Variants in RFX2 observed in about 807,000 individuals in gnomAD.
RFX2 encodes the protein DNA-binding protein RFX2.
RFX2 carries 20 observed loss-of-function variants against 87.8 expected under a neutral mutation model. The observed-to-expected ratio is 0.23, with a 90% CI of 0.16 to 0.33. The LOEUF is 0.33. Among genes scored for constraint, RFX2 ranks in the 10% least tolerant of loss-of-function variants. The probability of loss-of-function intolerance (pLI) is 1.00; values close to 1 mark genes in which losing one functional copy is unlikely to be tolerated. For synonymous variants in RFX2, 397 were observed against 431.3 expected (o/e 0.92, Z 0.98); for missense variants, 767 against 1,012.3 (o/e 0.76, Z 3.29).
intron 1 of RFX2, among the ~76,000 whole-genome samples, chr19:6,051,172 A>G (rs2087261478): frequency 6.6e-6 from 1 of 152,236 alleles, no homozygotes; most frequent in Admixed American, 6.5e-5. Context: ...TTAATACCAG[A>G]TGGTAAATTT....
At chr19:6,003,639 T>A (rs1247613328) in intron 13 of RFX2, among the ~76,000 whole-genome samples, 1 of 151,360 alleles carries the variant, frequency 6.6e-6, no homozygotes, top group African/African-American at 2.4e-5. Flanking sequence ...ATTAGCCAGG[T>A]GTGGTGGCGG....
In RFX2 at chr19:6,047,749, C is replaced by T. The variant is rs1180531479; in HGVS notation, c.-8-245G>A. Among the ~76,000 whole-genome samples, 3 of 152,198 alleles carry T rather than the reference C, an allele frequency of 2.0e-5. No individual in the cohort carries two copies. Among genetic ancestry groups the T allele is most frequent in the Middle Eastern group, 3.2e-3 (1 of 316 alleles). ...TAAAACCCAAAAAGGGCTCTGTCAGCGCACAATGGCAGGAATTCCTCAACA... is the reference window on the plus strand; with the variant it reads ...TAAAACCCAAAAAGGGCTCTGTCAGTGCACAATGGCAGGAATTCCTCAACA... On this transcript the variant is annotated intron_variant, in intron 1 of 17. Coordinates refer to ENST00000303657, the MANE Select transcript of RFX2 (RefSeq NM_000635.4). The surrounding 1 kb of genome is among the most constrained non-coding windows in gnomAD (Gnocchi z 4.2).
At chr19:6,092,944 C>G (rs77547090) in intron 1 of RFX2, among the ~76,000 whole-genome samples, 2 of 151,008 alleles carry the variant, frequency 1.3e-5, no homozygotes, top group African/African-American at 4.9e-5. Flanking sequence ...GCAACGGACA[C>G]GCATGTGGTA....
intron 5 of RFX2, among the ~76,000 whole-genome samples, chr19:6,038,322 G>T (rs1261736532): frequency 2.6e-5 from 2 of 77,956 alleles, no homozygotes; most frequent in Non-Finnish European, 4.5e-5. Flanking sequence ...GCAAGACTCC[G>T]TCTCAGAAAA....
intron 1 of RFX2, among the ~76,000 whole-genome samples, chr19:6,084,065 G>C (rs958499532): frequency 6.6e-6 from 1 of 152,120 alleles, no homozygotes; most frequent in Non-Finnish European, 1.5e-5. Context: ...TGTGGGAATC[G>C]TCTGTGAGTG....
At chr19:6,087,990 C>A (rs992859929) in intron 1 of RFX2, among the ~76,000 whole-genome samples, 14 of 152,046 alleles carry the variant, frequency 9.2e-5, no homozygotes, top group Admixed American at 6.5e-4. Context: ...AGCTGCACAC[C>A]CACTTCCAGA....
chr19:6,060,333 A>G (rs1221844707), intron 1 of RFX2, among the ~76,000 whole-genome samples: 1 of 151,854 alleles, frequency 6.6e-6, no homozygotes, highest in Non-Finnish European at 1.5e-5. Context: ...TAAAATATGT[A>G]CTCTCTGGTC....
rs1480538534 is a variant in RFX2, at chr19:6,024,090, T to C, written c.597+2073A>G. On this transcript the variant is annotated intron_variant, in intron 6 of 17. Coordinates refer to ENST00000303657, the MANE Select transcript of RFX2 (RefSeq NM_000635.4). This position sits in a 1 kb window ranked among gnomAD's most constrained non-coding sequence, Gnocchi z 5.0. ...CCACCGTGCCCAGCCCATTTTCCCA[T>C]AGACATTTTAACTCTCCCGTGGACT... is the stretch of plus-strand genomic sequence containing the variant. Among the ~76,000 whole-genome samples, 1 of 152,166 alleles carries C rather than the reference T, an allele frequency of 6.6e-6. No individual in the cohort carries two copies. Among genetic ancestry groups the C allele is most frequent in the East Asian group, 1.9e-4 (1 of 5,184 alleles).
Position 6,012,862 on chromosome 19 carries a change from C to G in RFX2, c.899+124G>C. The G allele has an allele frequency of 9.9e-7, 1 of 1,006,966 alleles. No individual in the cohort carries two copies. Among genetic ancestry groups the G allele is most frequent in the East Asian group, 2.9e-5 (1 of 34,672 alleles). The allele number at this position is 1,006,966 out of a possible 1,614,324, so 62.4% of individuals were successfully genotyped here. A position where few individuals can be genotyped will look rare whatever the true frequency, so the allele number is the denominator to read the frequency against. On this transcript the variant is annotated intron_variant, in intron 8 of 17. Coordinates refer to ENST00000303657, the MANE Select transcript of RFX2 (RefSeq NM_000635.4). The surrounding 1 kb of genome is among the most constrained non-coding windows in gnomAD (Gnocchi z 4.6). ...ACCTCAGTCTCAGCAGAGGGGGATA[C>G]CTTGGCTTTCCCAGGATGCTGGAGA... is the stretch of plus-strand genomic sequence containing the variant.
At position 6,024,069 on chromosome 19, in the gene RFX2, C is replaced by T. The variant is rs990738031; in HGVS notation, c.597+2094G>A. ...TGCTGGGATTACAGGCGTGAGCCACCGTGCCCAGCCCATTTTCCCATAGAC... is the reference window on the plus strand; with the variant it reads ...TGCTGGGATTACAGGCGTGAGCCACTGTGCCCAGCCCATTTTCCCATAGAC... On this transcript the variant is annotated intron_variant, in intron 6 of 17. Transcript: ENST00000303657. This position sits in a 1 kb window ranked among gnomAD's most constrained non-coding sequence, Gnocchi z 5.0. 6.6e-6 allele frequency among the ~76,000 whole-genome samples: 1 copy of T among 152,154 alleles called. No individual in the cohort carries two copies. The highest frequency in any genetic ancestry group is 1.5e-5 in the Non-Finnish European group (1 of 68,018).
chr19:6,054,716 C>T (rs1197173352), intron 1 of RFX2, among the ~76,000 whole-genome samples: 1 of 152,112 alleles, frequency 6.6e-6, no homozygotes, highest in Non-Finnish European at 1.5e-5. Context: ...TCACACCATA[C>T]ATAAAAATGA....
intron 1 of RFX2, among the ~76,000 whole-genome samples, chr19:6,067,354 G>A (rs773437179): frequency 7.2e-5 from 11 of 152,322 alleles, no homozygotes; most frequent in East Asian, 3.9e-4. Context: ...CTGACTCAGC[G>A]TCAGAAATGC....
In RFX2 at chr19:6,101,384, G is replaced by T. The variant is rs2088125276; in HGVS notation, c.-9+9009C>A. Among the ~76,000 whole-genome samples, 1 of 152,164 alleles carries T rather than the reference G, an allele frequency of 6.6e-6. No individual in the cohort carries two copies. The highest frequency in any genetic ancestry group is 2.4e-5 in the African/African-American group (1 of 41,436). On this transcript the variant is annotated intron_variant, in intron 1 of 17. Transcript: ENST00000303657. The surrounding 1 kb of genome is among the most constrained non-coding windows in gnomAD (Gnocchi z 4.9). The stretch of plus-strand genomic sequence containing the variant: ...GAAGGACAGGAGAGGTGGGAAAAAG[G>T]CCTTCGTGTTATTTTCTTTGGGTTT...
intron 1 of RFX2, among the ~76,000 whole-genome samples, chr19:6,097,554 C>A (rs888072839): frequency 2.0e-5 from 3 of 152,004 alleles, no homozygotes; most frequent in African/African-American, 7.3e-5. Context: ...ATAGTATGTA[C>A]CCATGGGTAA....
chr19:6,023,677 G>T lies in RFX2; in HGVS notation c.597+2486C>A, dbSNP rs1486228496. Among the ~76,000 whole-genome samples the T allele has an allele frequency of 6.6e-6, 1 of 152,176 alleles. No homozygotes were observed. Among genetic ancestry groups the T allele is most frequent in the Non-Finnish European group, 1.5e-5 (1 of 68,034 alleles). ...CAGCTCGGGAATACGAATCTTCATC[G>T]GGGAAGCGACCTGAGAAAGTCTGCC... On this transcript the variant is annotated intron_variant, in intron 6 of 17. Coordinates refer to ENST00000303657, the MANE Select transcript of RFX2 (RefSeq NM_000635.4). The surrounding 1 kb of genome is among the most constrained non-coding windows in gnomAD (Gnocchi z 4.9).
At chr19:6,035,597 A>G (rs1276607141) in intron 5 of RFX2, among the ~76,000 whole-genome samples, 2 of 152,168 alleles carry the variant, frequency 1.3e-5, no homozygotes, top group African/African-American at 4.8e-5. Context: ...CTTTAGGACT[A>G]AGCGAAAGTC....
chr19:6,013,257 C>T lies in RFX2; in HGVS notation c.780-152G>A. The T allele has an allele frequency of 4.3e-6, 3 of 691,204 alleles. No homozygotes were observed. The highest frequency in any genetic ancestry group is 4.3e-6 in the Non-Finnish European group (2 of 461,198). 42.8% of individuals were successfully genotyped at this position (691,204 alleles called of 1,614,324 possible). ...CTGGAGTACAGCAGTGCCATCTCGG[C>T]TCACTGCAATCTCCGCCTCCCGGGT... On this transcript the variant is annotated intron_variant, in intron 7 of 17. Transcript: ENST00000303657. This position sits in a 1 kb window ranked among gnomAD's most constrained non-coding sequence, Gnocchi z 4.1.
intron 1 of RFX2, among the ~76,000 whole-genome samples, chr19:6,104,123 A>G (rs1413676851): frequency 1.3e-5 from 2 of 152,060 alleles, no homozygotes; most frequent in Non-Finnish European, 2.9e-5. Flanking sequence ...CTGTGCCCCA[A>G]AGCCCTGGTC....
chr19:6,072,637 G>A (rs2087623873), intron 1 of RFX2, among the ~76,000 whole-genome samples: 1 of 152,124 alleles, frequency 6.6e-6, no homozygotes, highest in African/African-American at 2.4e-5. Flanking sequence ...GCCAGGAGGT[G>A]GAGGATGCAG....
Sources: allele counts gnomAD v4.1 joint callset (sites outside exome capture counted in the v4.1 genomes callset), GRCh38; gene constraint gnomAD v4.1.1; non-coding constraint Gnocchi (gnomAD v3.1); transcripts MANE v1.5; gene names NCBI Gene and HGNC (gene_info 2026-07-23, HGNC 2026-07-21).